Variants in ELMO1 observed in about 807,000 individuals in gnomAD.
The protein encoded by ELMO1 is engulfment and cell motility protein 1.
In ELMO1, 26 loss-of-function variants were observed where a neutral mutation model predicts 98.9. The observed-to-expected ratio is 0.26, with a 90% CI of 0.19 to 0.36. The LOEUF is 0.36. ELMO1 is among the 10% of genes least tolerant of loss of function. The pLI is 1.00. For missense variants in ELMO1, 627 were observed against 935.2 expected, an observed-to-expected ratio of 0.67 and a Z score of 4.30; for synonymous variants, 346 against 346.0, an observed-to-expected ratio of 1.00 and a Z score of 0.00.
At chr7:37,005,450 G>A (rs1793011685) in intron 16 of ELMO1, among the ~76,000 whole-genome samples, 1 of 151,942 alleles carries the variant, frequency 6.6e-6, no homozygotes, top group African/African-American at 2.4e-5. Context: ...CCAGCACTTC[G>A]GGAGGCCAAG....
intron 6 of ELMO1, among the ~76,000 whole-genome samples, chr7:37,253,760 G>A (rs536208325): frequency 2.0e-4 from 30 of 150,416 alleles, no homozygotes; most frequent in African/African-American, 7.3e-4. Flanking sequence ...CTTGGGTAAT[G>A]AGGGGCGGGC....
chr7:37,039,092 G>T (rs2129192880), intron 15 of ELMO1, among the ~76,000 whole-genome samples: 1 of 152,180 alleles, frequency 6.6e-6, no homozygotes, highest in Non-Finnish European at 1.5e-5. Context: ...ATTAGAAAAA[G>T]TTTTATGAAG....
intron 1 of ELMO1, among the ~76,000 whole-genome samples, chr7:37,443,710 A>G (rs1805503408): frequency 6.6e-6 from 1 of 152,176 alleles, no homozygotes; most frequent in Non-Finnish European, 1.5e-5. Flanking sequence ...TAACACTCAA[A>G]CAACCCAAAT....
chr7:37,219,765 A>G (rs959588753), intron 10 of ELMO1, among the ~76,000 whole-genome samples: 1 of 152,218 alleles, frequency 6.6e-6, no homozygotes, highest in Non-Finnish European at 1.5e-5. Context: ...TTGAGGCTCA[A>G]TTTCCTTACT....
At chr7:37,086,743 CAAAA>C (rs755237121) in intron 15 of ELMO1, among the ~76,000 whole-genome samples, 19 of 48,808 alleles carry the variant, frequency 3.9e-4, no homozygotes, top group African/African-American at 4.3e-4. Context: ...ATCCTGTCTC[CAAAA>C]AAAAAAAAAA....
At chr7:37,314,807 T>C in intron 4 of ELMO1, 43 bp downstream of exon 4, 2 of 1,564,908 alleles carry the variant, frequency 1.3e-6, no homozygotes, top group Non-Finnish European at 1.8e-6. Flanking sequence ...TGATTTACTT[T>C]CCTTCAATAT....
chr7:36,899,701 A>T (rs1459687280), intron 16 of ELMO1, among the ~76,000 whole-genome samples: 40 of 2,038 alleles, frequency 0.02, no homozygotes, highest in Non-Finnish European at 0.04. Flanking sequence ...TTTTTTTTTT[A>T]CCACTCCTAA....
intron 16 of ELMO1, among the ~76,000 whole-genome samples, chr7:36,957,165 A>G (rs1289121796): frequency 6.6e-6 from 1 of 152,254 alleles, no homozygotes; most frequent in Non-Finnish European, 1.5e-5. Context: ...ATTCTGAAAT[A>G]CATTCAGGCA....
At chr7:37,360,945 C>CGT (rs1554300371) in intron 1 of ELMO1, among the ~76,000 whole-genome samples, 1 of 152,064 alleles carries the variant, frequency 6.6e-6, no homozygotes, top group African/African-American at 2.4e-5. Context: ...ATATTCACAA[C>CGT]ATTTTCAATG....
intron 16 of ELMO1, among the ~76,000 whole-genome samples, chr7:36,916,580 T>A (rs1784706774): frequency 6.6e-6 from 1 of 152,226 alleles, no homozygotes; most frequent in South Asian, 2.1e-4. Flanking sequence ...CCCCCATTCC[T>A]TTTAGCAGTA....
intron 13 of ELMO1, among the ~76,000 whole-genome samples, chr7:37,162,899 T>G (rs1340608074): frequency 2.0e-5 from 3 of 152,202 alleles, no homozygotes; most frequent in Non-Finnish European, 1.5e-5. Flanking sequence ...AACTTCCCAG[T>G]GTCTAGACTC....
intron 6 of ELMO1, among the ~76,000 whole-genome samples, chr7:37,253,132 G>C (rs1795449626): frequency 6.6e-6 from 1 of 152,168 alleles, no homozygotes; most frequent in South Asian, 2.1e-4. Flanking sequence ...GTTGGTGAGA[G>C]TGTAAATTAA....
intron 16 of ELMO1, among the ~76,000 whole-genome samples, chr7:36,979,202 C>G (rs188304574): frequency 3.3e-5 from 5 of 152,212 alleles, no homozygotes; most frequent in Non-Finnish European, 5.9e-5. Flanking sequence ...AAGAGCAGAA[C>G]TAGACATTCT....
chr7:37,393,602 T>C (rs1803171383), intron 1 of ELMO1, among the ~76,000 whole-genome samples: 1 of 152,216 alleles, frequency 6.6e-6, no homozygotes, highest in Non-Finnish European at 1.5e-5. Flanking sequence ...GTTATTTTGT[T>C]CCTCAATTTG....
At chr7:37,421,118 C>A (rs1223284689) in intron 1 of ELMO1, among the ~76,000 whole-genome samples, 1 of 152,204 alleles carries the variant, frequency 6.6e-6, no homozygotes, top group Non-Finnish European at 1.5e-5. Flanking sequence ...GAGCAAGTGG[C>A]AGAGTTAAAC....
At chr7:37,439,749 T>C (rs187728412) in intron 1 of ELMO1, among the ~76,000 whole-genome samples, 71 of 152,328 alleles carry the variant, frequency 4.7e-4, no homozygotes, top group Non-Finnish European at 9.1e-4. Flanking sequence ...AAACCTTCAG[T>C]TGGAGAATGG....
At chr7:37,171,761 G>T (rs973785374) in intron 13 of ELMO1, among the ~76,000 whole-genome samples, 1 of 151,892 alleles carries the variant, frequency 6.6e-6, no homozygotes, top group African/African-American at 2.4e-5. Flanking sequence ...CAAAGTGCTG[G>T]GATTACAGGC....
intron 15 of ELMO1, among the ~76,000 whole-genome samples, chr7:37,038,044 T>A (rs750569172): frequency 1.4e-4 from 22 of 152,136 alleles, no homozygotes; most frequent in Non-Finnish European, 2.6e-4. Context: ...ATCCCCTATA[T>A]CTTAAAAAGA....
intron 15 of ELMO1, among the ~76,000 whole-genome samples, chr7:37,043,986 T>C (rs1795667692): frequency 6.6e-6 from 1 of 152,206 alleles, no homozygotes; most frequent in Non-Finnish European, 1.5e-5. Context: ...AGTAGTCTTT[T>C]TTATACATGT....
Sources: gnomAD v4.1 joint callset for allele counts (sites outside exome capture counted in the v4.1 genomes callset) on GRCh38, gnomAD v4.1.1 for gene constraint, MANE v1.5 for transcripts, NCBI Gene and HGNC (gene_info 2026-07-23, HGNC 2026-07-21) for gene names.